PTPRS: variants seen among roughly 807,000 people sequenced by gnomAD.
PTPRS encodes receptor-type tyrosine-protein phosphatase S.
A neutral mutation model predicts 215.3 loss-of-function variants in PTPRS; 63 were observed. The ratio of observed to expected loss-of-function variants is 0.29; its 90% CI spans 0.24 to 0.36. The LOEUF is 0.36. PTPRS is among the 10% of genes least tolerant of loss of function. The pLI is 1.00. For synonymous variants in PTPRS, 1,404 were observed against 1,191.4 expected (o/e 1.18, Z -3.68); for missense variants, 2,258 against 2,825.8 (o/e 0.80, Z 4.56).
chr19:5,263,970 A>C (rs570238709), intron 5 of PTPRS, among the ~76,000 whole-genome samples: 1 of 152,182 alleles, frequency 6.6e-6, no homozygotes, highest in East Asian at 1.9e-4. Flanking sequence ...AAGCGGGGGG[A>C]CAACACACAC....
At chr19:5,280,148 T>C (rs1326805909) in intron 2 of PTPRS, among the ~76,000 whole-genome samples, 1 of 152,156 alleles carries the variant, frequency 6.6e-6, no homozygotes, top group East Asian at 1.9e-4. Flanking sequence ...TACGACCAGC[T>C]AGAAAAGGGT....
In PTPRS at chr19:5,221,176, G is replaced by C; in HGVS notation, c.3279C>G (p.Thr1093=). The C allele has an allele frequency of 6.2e-7, 1 of 1,614,054 alleles. No homozygotes were observed. Among genetic ancestry groups the C allele is most frequent in the Non-Finnish European group, 8.5e-7 (1 of 1,180,002 alleles). ...GATTGGTCAGCACAAAGTTGTAGAA[G>C]GTGTGGGGCTTGAGGTGCGTGATGA... ...KKLITHLKPH[T]FYNFVLTNRG... Residue 1093 remains threonine (T), a synonymous_variant, in exon 20 of 38, where the codon ACC becomes ACG. Transcript: ENST00000262963.
At chr19:5,256,188 T>C in intron 8 of PTPRS, 69 bp from the exon 9 acceptor site, 1 of 1,300,796 alleles carries the variant, frequency 7.7e-7, no homozygotes, top group Non-Finnish European at 1.0e-6. Context: ...ATAGGGGAGA[T>C]ACAGAGAGTA....
chr19:5,240,889 ATT>A (rs35045025), intron 11 of PTPRS, among the ~76,000 whole-genome samples: 2,333 of 106,308 alleles, frequency 0.022, 61 homozygotes, highest in African/African-American at 0.076. Context: ...AATCCCCTTC[ATT>A]TTTTTTTTTT....
At chr19:5,222,449 G>A (rs1419916098) in intron 18 of PTPRS, among the ~76,000 whole-genome samples, 10 of 149,672 alleles carry the variant, frequency 6.7e-5, no homozygotes, top group Non-Finnish European at 1.3e-4. Flanking sequence ...AAAGAAGGTG[G>A]AGGAGGAGGA....
At chr19:5,283,760 C>G (rs1205040357) in intron 2 of PTPRS, among the ~76,000 whole-genome samples, 1 of 152,046 alleles carries the variant, frequency 6.6e-6, no homozygotes, top group Non-Finnish European at 1.5e-5. Flanking sequence ...GCCTGTGGGA[C>G]CAGGCAGCTC....
At chr19:5,334,739 T>C (rs1306795180) in intron 1 of PTPRS, among the ~76,000 whole-genome samples, 8 of 152,246 alleles carry the variant, frequency 5.3e-5, no homozygotes, top group East Asian at 1.9e-4. Context: ...GGAATCCAGG[T>C]TGTGGCAGCC....
intron 30 of PTPRS, 120 bp downstream of exon 30, chr19:5,214,241 T>A: frequency 7.1e-7 from 1 of 1,398,628 alleles, no homozygotes; most frequent in African/African-American, 1.4e-5. Flanking sequence ...TCAGCCTGGG[T>A]AGACACGCTC....
rs952833168 is a variant in PTPRS at position 5,315,351 on chromosome 19, G to GTTTTTT, written c.-95+25307_-95+25312dup. On this transcript the variant is annotated intron_variant, in intron 1 of 37. Coordinates refer to ENST00000262963, the MANE Select transcript of PTPRS (RefSeq NM_002850.4). ...CATGGAGAATTTTTATTTGAAAAGG[G>GTTTTTT]TTTTTTTTTTTTTTTTTTTTTTTTT... Among the ~76,000 whole-genome samples, 30 of 79,796 alleles carry GTTTTTT rather than the reference G, an allele frequency of 3.8e-4. 1 individual carries two copies. Among genetic ancestry groups the GTTTTTT allele is most frequent in the African/African-American group, 6.9e-4 (12 of 17,318 alleles). The allele number at this position is 79,796 out of a possible 152,430, so 52.3% of individuals were successfully genotyped here.
At chr19:5,322,760 T>C in intron 1 of PTPRS, among the ~76,000 whole-genome samples, 1 of 150,662 alleles carries the variant, frequency 6.6e-6, no homozygotes, top group African/African-American at 2.4e-5. Flanking sequence ...ACGCCTATAA[T>C]CCCAGCTATT....
At chr19:5,251,046 G>C (rs1051099477) in intron 9 of PTPRS, 1 of 170,726 alleles carries the variant, frequency 5.9e-6, no homozygotes, top group African/African-American at 2.4e-5. Context: ...GAGAGGGCAG[G>C]GGAGAGATGC....
chr19:5,215,557 C>T lies in PTPRS; in HGVS notation c.4135G>A (p.Ala1379Thr). ...SHPPIPIADM[A>T]EHTERLKAND... ...GCCTTGAGCCGCTCCGTGTGCTCCGCCATGTCTGCGATGGGAATTGGCGGG... is the reference window on the plus strand; with the variant it reads ...GCCTTGAGCCGCTCCGTGTGCTCCGTCATGTCTGCGATGGGAATTGGCGGG... Residue 1379 changes from alanine (A) to threonine (T), a missense_variant, in exon 27 of 38, where the codon GCG becomes ACG. By Grantham distance (58) the Ala-to-Thr change is moderately conservative. This residue lies in a region of PTPRS where 927 missense variants were observed against 1,125.9 expected (regional missense o/e 0.82). Transcript: ENST00000262963. 1 of 1,611,426 alleles carries T rather than the reference C, an allele frequency of 6.2e-7. No individual in the cohort carries two copies. Among genetic ancestry groups the T allele is most frequent in the Middle Eastern group, 1.7e-4 (1 of 5,978 alleles).
intron 1 of PTPRS, among the ~76,000 whole-genome samples, chr19:5,307,327 A>ATGAG (rs1364746159): frequency 1.4e-5 from 2 of 139,568 alleles, no homozygotes; most frequent in Non-Finnish European, 3.3e-5. Flanking sequence ...AAATACATAA[A>ATGAG]TGAATGAATG....
chr19:5,208,688 T>C (rs147982688), intron 35 of PTPRS, among the ~76,000 whole-genome samples: 74 of 152,216 alleles, frequency 4.9e-4, no homozygotes, highest in Non-Finnish European at 8.5e-4. Context: ...TCATTTACCC[T>C]GACAACTTAC....
At chr19:5,309,201 T>A (rs1228995667) in intron 1 of PTPRS, among the ~76,000 whole-genome samples, 1 of 152,142 alleles carries the variant, frequency 6.6e-6, no homozygotes, top group Non-Finnish European at 1.5e-5. Flanking sequence ...TGCAGGCCCC[T>A]TAGTGGGGTT....
intron 13 of PTPRS, among the ~76,000 whole-genome samples, chr19:5,238,280 GA>G (rs1376533311): frequency 6.6e-6 from 1 of 152,102 alleles, no homozygotes; most frequent in African/African-American, 2.4e-5. Context: ...TCCAAACAGG[GA>G]GGCCGGGCCG....
intron 1 of PTPRS, among the ~76,000 whole-genome samples, chr19:5,313,970 T>A (rs545176341): frequency 2.2e-3 from 267 of 121,598 alleles, no homozygotes; most frequent in Non-Finnish European, 3.2e-3. Flanking sequence ...ATAATAATAA[T>A]AAATAAAAGT....
intron 22 of PTPRS, among the ~76,000 whole-genome samples, chr19:5,219,707 G>A (rs1168648731): frequency 6.6e-6 from 1 of 152,160 alleles, no homozygotes; most frequent in African/African-American, 2.4e-5. Flanking sequence ...CAAATCCTGG[G>A]ATGCTTTTTC....
intron 7 of PTPRS, 35 bp from the exon 8 acceptor site, chr19:5,258,162 A>AGG: frequency 8.3e-6 from 13 of 1,557,108 alleles, no homozygotes; most frequent in Non-Finnish European, 1.2e-5. Context: ...GGTCTGTTAG[A>AGG]GGGGGGCCCA....
Sources: gnomAD v4.1 joint callset for allele counts (sites outside exome capture counted in the v4.1 genomes callset) on GRCh38, gnomAD v4.1.1 for gene constraint, gnomAD v4.1.1 regional missense constraint, MANE v1.5 for transcripts, NCBI Gene and HGNC (gene_info 2026-07-23, HGNC 2026-07-21) for gene names.